RAD52: variants seen among roughly 807,000 people sequenced by gnomAD.
The protein encoded by RAD52 is DNA repair protein RAD52 homolog.
RAD52 carries 47 observed loss-of-function variants against 55.5 expected under a neutral mutation model. The observed-to-expected ratio is 0.85, with a 90% CI of 0.67 to 1.08. The LOEUF (loss-of-function observed/expected upper bound fraction) is 1.08, where lower values mean the gene tolerates loss of function less well. Ranked by LOEUF, RAD52 falls within the 50% of genes least tolerant of loss-of-function variation. The pLI is 0.00. For missense variants in RAD52, 468 were observed against 522.8 expected (o/e 0.90, Z 1.02); for synonymous variants, 184 against 198.9 (o/e 0.92, Z 0.63).
chr12:914,385 T>C, intron 10 of RAD52, 46 bp downstream of exon 10: 1 of 1,606,796 alleles, frequency 6.2e-7, no homozygotes, highest in Non-Finnish European at 8.5e-7. Context: ...CTGTGGCTAC[T>C]AGAAACATAC....
chr12:915,649 C>T (rs893110404), intron 9 of RAD52, among the ~76,000 whole-genome samples: 2 of 152,174 alleles, frequency 1.3e-5, no homozygotes, highest in African/African-American at 4.8e-5. Flanking sequence ...CCAAAAGTTC[C>T]CGTTATTCTC....
At chr12:978,425 A>G (rs998822606) in intron 1 of RAD52, among the ~76,000 whole-genome samples, 2 of 152,232 alleles carry the variant, frequency 1.3e-5, no homozygotes, top group African/African-American at 4.8e-5. Context: ...AACTTGAATT[A>G]AAATTTTTTC....
At chr12:918,209 C>T (rs1956513921) in intron 7 of RAD52, among the ~76,000 whole-genome samples, 1 of 152,106 alleles carries the variant, frequency 6.6e-6, no homozygotes, top group Non-Finnish European at 1.5e-5. Context: ...AAAATGTCTA[C>T]TAAGAAAAGA....
At chr12:934,855 G>A (rs7298449) in intron 1 of RAD52, among the ~76,000 whole-genome samples, 109,172 of 152,008 alleles carry the variant, frequency 0.72, 39,571 homozygotes, top group South Asian at 0.85. Context: ...GCTCACACCT[G>A]TAACCCTAAC....
chr12:983,447 T>C (rs117782262), intron 1 of RAD52, among the ~76,000 whole-genome samples: 58 of 143,696 alleles, frequency 4.0e-4, no homozygotes, highest in Non-Finnish European at 6.0e-4. Context: ...AGACGGAGCA[T>C]CCCTTGTTGC....
At chr12:942,738 A>G (rs956368611) in intron 1 of RAD52, among the ~76,000 whole-genome samples, 6 of 150,130 alleles carry the variant, frequency 4.0e-5, no homozygotes, top group Admixed American at 1.3e-4. Context: ...ACAGAGCAAG[A>G]CTCTGTCTCA....
chr12:950,521 G>A (rs1165087703), upstream of RAD52, among the ~76,000 whole-genome samples: 1 of 149,214 alleles, frequency 6.7e-6, no homozygotes, highest in African/African-American at 2.5e-5. Context: ...GCAGTGAGCC[G>A]AGATCGCCCC....
Position 933,068 on chromosome 12 carries a change from G to A in RAD52, c.-10C>T. Reference sequence around the variant, plus strand: ...CCTCAGTCCCAGACATCTTGATTCTGGTTGACCTCTATATAAATAAAAAGC... The same window carrying A: ...CCTCAGTCCCAGACATCTTGATTCTAGTTGACCTCTATATAAATAAAAAGC... On this transcript the variant is annotated 5_prime_UTR_variant, in exon 2 of 12. Coordinates refer to ENST00000358495, the MANE Select transcript of RAD52 (RefSeq NM_134424.4). The A allele has an allele frequency of 1.2e-6, 2 of 1,608,944 alleles. No homozygotes were observed. The highest frequency in any genetic ancestry group is 1.7e-6 in the Non-Finnish European group (2 of 1,176,416).
Position 912,901 on chromosome 12 carries a change from G to A in RAD52, c.*490C>T, listed in dbSNP as rs563275074. 5.1e-6 allele frequency: 1 copy of A among 197,996 alleles called. No individual in the cohort carries two copies. The highest frequency in any genetic ancestry group is 7.9e-5 in the East Asian group (1 of 12,590). 12.3% of individuals were successfully genotyped at this position (197,996 alleles called of 1,614,324 possible). ...CTGGATTGATACAAAGTAGTGAAAA[G>A]CACTGCTCCAACCTTTTTCCTGTCG... On this transcript the variant is annotated 3_prime_UTR_variant, in exon 12 of 12. Transcript: ENST00000358495.
chr12:967,420 T>C (rs1958785254), intron 1 of RAD52, among the ~76,000 whole-genome samples: 1 of 150,664 alleles, frequency 6.6e-6, no homozygotes, highest in Non-Finnish European at 1.5e-5. Flanking sequence ...ATAAGTACAA[T>C]TTAACAAATA....
At position 916,660 on chromosome 12, in the gene RAD52, G is replaced by T. The variant is rs1054640166; in HGVS notation, c.704C>A (p.Ala235Glu). 1.2e-6 allele frequency: 2 copies of T among 1,613,878 alleles called. No homozygotes were observed. The highest frequency in any genetic ancestry group is 2.7e-5 in the African/African-American group (2 of 75,028). ...PSRPSHAVIP[A>E]DQDCSSRSLS... is the part of the protein sequence containing the mutation. ...ATACCGGGAGCTGCAGTCCTGGTCC[G>T]CCGGTATCACAGCATGGCTGGGTCT... The change falls in exon 8 of 12, where the codon GCG becomes GAG. Residue 235 changes from alanine to glutamate, a missense_variant. Coordinates refer to ENST00000358495, the MANE Select transcript of RAD52 (RefSeq NM_134424.4).
chr12:937,388 T>C (rs1471265566), intron 1 of RAD52, among the ~76,000 whole-genome samples: 1 of 151,740 alleles, frequency 6.6e-6, no homozygotes, highest in Non-Finnish European at 1.5e-5. Context: ...TACCCAGGTA[T>C]AGCAGACACT....
intron 2 of RAD52, among the ~76,000 whole-genome samples, chr12:932,087 G>A (rs988906398): frequency 1.3e-5 from 2 of 152,172 alleles, no homozygotes; most frequent in African/African-American, 2.4e-5. Context: ...AGCCAGGCGC[G>A]GTGGCTCATG....
chr12:937,716 G>A (rs1359952038), intron 1 of RAD52, among the ~76,000 whole-genome samples: 2 of 151,938 alleles, frequency 1.3e-5, no homozygotes, highest in Admixed American at 6.6e-5. Flanking sequence ...GTGAGCCACC[G>A]CGCCCAGCCA....
At chr12:969,353 A>G (rs1055887053) in intron 1 of RAD52, among the ~76,000 whole-genome samples, 1 of 152,046 alleles carries the variant, frequency 6.6e-6, no homozygotes. Context: ...AATAGTCAAT[A>G]ATTTTATTTA....
Position 921,687 on chromosome 12 carries a change from C to CATGAG in RAD52, c.543+3758_543+3762dup, listed in dbSNP as rs150297521. 4.2e-3 allele frequency among the ~76,000 whole-genome samples: 645 copies of CATGAG among 151,834 alleles called. 5 individuals carry two copies. The highest frequency in any genetic ancestry group is 0.031 in the South Asian group (150 of 4,806). ...CCTGGGTGACAGGGCGAGATCTTGTCATGAGATGAGATGAGATGAGATGAA... is the reference window on the plus strand; with the variant it reads ...CCTGGGTGACAGGGCGAGATCTTGTCATGAGATGAGATGAGATGAGATGAGATGAA... On this transcript the variant is annotated intron_variant, in intron 7 of 11. Transcript: ENST00000358495.
At chr12:971,072 T>C (rs1256964678) in intron 1 of RAD52, among the ~76,000 whole-genome samples, 1 of 152,208 alleles carries the variant, frequency 6.6e-6, no homozygotes, top group Non-Finnish European at 1.5e-5. Context: ...AGATAAAATA[T>C]AGATAATCTA....
At chr12:983,832 C>G (rs1306575117) in intron 1 of RAD52, among the ~76,000 whole-genome samples, 1 of 152,186 alleles carries the variant, frequency 6.6e-6, no homozygotes, top group Non-Finnish European at 1.5e-5. Flanking sequence ...ATTCTTATGA[C>G]TTATTTAACC....
At position 916,822 on chromosome 12, in the gene RAD52, T is replaced by A. The variant is rs745615109; in HGVS notation, c.544-2A>T. ...AGTTAAATCCACTTCAAGAGGCAACTAGAAGGAAAGAAGAAAAACAAATTC... is the reference window on the plus strand; with the variant it reads ...AGTTAAATCCACTTCAAGAGGCAACAAGAAGGAAAGAAGAAAAACAAATTC... On this transcript the variant is annotated splice_acceptor_variant, in intron 7 of 11. Coordinates refer to ENST00000358495, the MANE Select transcript of RAD52 (RefSeq NM_134424.4). LOFTEE classifies it high-confidence loss of function. The A allele has an allele frequency of 6.3e-7, 1 of 1,592,772 alleles. No homozygotes were observed. The highest frequency in any genetic ancestry group is 1.7e-5 in the Admixed American group (1 of 59,536).
Sources: allele counts gnomAD v4.1 joint callset (sites outside exome capture counted in the v4.1 genomes callset), GRCh38; gene constraint gnomAD v4.1.1; transcripts MANE v1.5; gene names NCBI Gene and HGNC (gene_info 2026-07-23, HGNC 2026-07-21).